BLTP1: variants seen among roughly 807,000 people sequenced by gnomAD.
The protein encoded by BLTP1 is fragile site-associated protein.
chr4:122,336,531 C>CT, the BLTP1 span: 15 of 554,212 alleles, frequency 2.7e-5, no homozygotes, highest in Admixed American at 1.9e-4. Flanking sequence ...AATGAAGAAA[C>CT]TAAGTCCTGG....
the BLTP1 span, chr4:122,221,143 G>T: frequency 5.9e-6 from 4 of 678,044 alleles, no homozygotes; most frequent in Non-Finnish European, 7.3e-6. Context: ...AATTATAAAT[G>T]GGAAGGTGAA....
chr4:122,347,192 G>A, the BLTP1 span: 1 of 984,712 alleles, frequency 1.0e-6, no homozygotes, highest in Non-Finnish European at 1.2e-6. Context: ...GCTGGATTTA[G>A]ATATTGTTGT....
At chr4:122,200,473 T>C in the BLTP1 span, 2 of 669,630 alleles carry the variant, frequency 3.0e-6, no homozygotes, top group Non-Finnish European at 3.7e-6. Flanking sequence ...CCAGCTACTC[T>C]GGAGGCTGAG....
At chr4:122,344,331 T>C in the BLTP1 span, 1 of 1,583,492 alleles carries the variant, frequency 6.3e-7, no homozygotes, top group Non-Finnish European at 8.6e-7. Context: ...CAGCTGTGTG[T>C]ATATATGTAT....
the BLTP1 span, among the ~76,000 whole-genome samples, chr4:122,235,802 C>T: frequency 3.8e-3 from 579 of 151,196 alleles, 3 homozygotes; most frequent in Middle Eastern, 0.014. Context: ...GAGACTCCGT[C>T]TCAAAAAAGA....
At chr4:122,331,285 T>C in the BLTP1 span, 1 of 1,558,102 alleles carries the variant, frequency 6.4e-7, no homozygotes, top group Non-Finnish European at 8.7e-7. Flanking sequence ...AAAAGAACTC[T>C]CATTTTACTA....
At chr4:122,199,672 C>T in the BLTP1 span, among the ~76,000 whole-genome samples, 1 of 152,102 alleles carries the variant, frequency 6.6e-6, no homozygotes. Flanking sequence ...GGCAATGATA[C>T]ATGTTTTTGG....
At chr4:122,353,378 G>A in the BLTP1 span, 2 of 350,978 alleles carry the variant, frequency 5.7e-6, no homozygotes, top group Non-Finnish European at 8.0e-6. This position sits in a 1 kb window ranked among gnomAD's most constrained non-coding sequence, Gnocchi z 4.3. Flanking sequence ...TTCTGCTGCT[G>A]TGGCTAAACA....
the BLTP1 span, among the ~76,000 whole-genome samples, chr4:122,212,385 C>T: frequency 0.033 from 4,948 of 152,108 alleles, 103 homozygotes; most frequent in Non-Finnish European, 0.053. Context: ...CTCCCAATGT[C>T]TTACTTTCTT....
At chr4:122,169,338 A>C in the BLTP1 span, among the ~76,000 whole-genome samples, 1 of 152,180 alleles carries the variant, frequency 6.6e-6, no homozygotes, top group African/African-American at 2.4e-5. Flanking sequence ...AGATGTACCA[A>C]ATTTCAATTA....
the BLTP1 span, chr4:122,273,327 G>A: frequency 1.0e-6 from 1 of 984,414 alleles, no homozygotes; most frequent in Middle Eastern, 5.2e-4. Flanking sequence ...TGAGGATTAT[G>A]TACTTGGGAT....
chr4:122,159,067 C>T, the BLTP1 span, among the ~76,000 whole-genome samples: 1 of 152,198 alleles, frequency 6.6e-6, no homozygotes. Context: ...GAATCATGCT[C>T]ACTAGTACTT....
chr4:122,339,236 A>G, the BLTP1 span: 6 of 1,613,380 alleles, frequency 3.7e-6, no homozygotes, highest in African/African-American at 6.7e-5. Flanking sequence ...GCTGTTTACC[A>G]GTATCAAGAG....
the BLTP1 span, chr4:122,180,093 A>G: frequency 1.0e-6 from 1 of 984,966 alleles, no homozygotes; most frequent in African/African-American, 1.7e-5. Flanking sequence ...AAAAAAACCT[A>G]ATATGTTGAG....
the BLTP1 span, chr4:122,349,897 C>G: frequency 6.2e-7 from 1 of 1,613,454 alleles, no homozygotes; most frequent in Non-Finnish European, 8.5e-7. This position sits in a 1 kb window ranked among gnomAD's most constrained non-coding sequence, Gnocchi z 4.5. Flanking sequence ...GGATATTTTC[C>G]AAGTAATGAT....
At chr4:122,359,499 C>G in the BLTP1 span, 1 of 1,563,606 alleles carries the variant, frequency 6.4e-7, no homozygotes, top group Non-Finnish European at 8.7e-7. Context: ...CAATTCTGTT[C>G]TAATTCTTAT....
At chr4:122,328,862 G>A in the BLTP1 span, 11 of 640,494 alleles carry the variant, frequency 1.7e-5, no homozygotes, top group South Asian at 3.5e-4. Context: ...CAAGAGGAGC[G>A]GCAAGGATCT....
chr4:122,248,784 G>T, the BLTP1 span, among the ~76,000 whole-genome samples: 1 of 151,988 alleles, frequency 6.6e-6, no homozygotes, highest in Non-Finnish European at 1.5e-5. Flanking sequence ...ACTGTTGCAT[G>T]AAAATGGGAG....
At chr4:122,201,827 C>A in the BLTP1 span, 1 of 890,954 alleles carries the variant, frequency 1.1e-6, no homozygotes, top group Non-Finnish European at 1.3e-6. Flanking sequence ...TACATTTATC[C>A]ATCCATCCAT....
Sources: gnomAD v4.1 joint callset for allele counts (sites outside exome capture counted in the v4.1 genomes callset) on GRCh38, gnomAD v4.1.1 for gene constraint, Gnocchi (gnomAD v3.1) non-coding constraint, MANE v1.5 for transcripts, NCBI Gene and HGNC (gene_info 2026-07-23, HGNC 2026-07-21) for gene names.